The following POR variants were observed in gnomAD, a reference collection of about 807,000 sequenced individuals.
POR encodes cytochrome p450 oxidoreductase, also known as NADPH--cytochrome P450 reductase.
A neutral mutation model predicts 84.0 loss-of-function variants in POR; 56 were observed. That is an observed-to-expected ratio of 0.67 (90% CI 0.54 to 0.83). The LOEUF is 0.83. POR is among the 40% of genes least tolerant of loss of function. POR has a pLI of 0.00. For synonymous variants in POR, 414 were observed against 400.5 expected (o/e 1.03, Z -0.40); for missense variants, 938 against 944.3 (o/e 0.99, Z 0.09).
chr7:75,928,415 C>T (rs916669152), intron 1 of POR, among the ~76,000 whole-genome samples: 2 of 152,234 alleles, frequency 1.3e-5, no homozygotes, highest in Non-Finnish European at 2.9e-5. Context: ...TTTCTGGGCT[C>T]CCACACATTT....
Position 75,986,318 on chromosome 7 carries a change from A to T in POR, c.1899-19A>T. The T allele has an allele frequency of 6.2e-7, 1 of 1,612,098 alleles. No homozygotes were observed. The highest frequency in any genetic ancestry group is 8.5e-7 in the Non-Finnish European group (1 of 1,179,682). ...TGCCACAGTTGGCCCAGCCCCCAGC[A>T]CCCCCTCTTCCTGCCCAGGGATGCA... On this transcript the variant is annotated intron_variant, in intron 15 of 15. Coordinates refer to ENST00000461988, the MANE Select transcript of POR (RefSeq NM_000941.3).
At chr7:75,984,139 G>A (rs544888205) in intron 10 of POR, among the ~76,000 whole-genome samples, 1 of 152,292 alleles carries the variant, frequency 6.6e-6, no homozygotes, top group African/African-American at 2.4e-5. Context: ...GCTCCCCCAT[G>A]GCCACTGTGT....
intron 7 of POR, 27 bp downstream of exon 7, chr7:75,981,633 G>C (rs539229886): frequency 6.2e-7 from 1 of 1,600,484 alleles, no homozygotes; most frequent in South Asian, 1.1e-5. Flanking sequence ...AGGTGCGGTG[G>C]GTGGCCTGGG....
At chr7:75,939,221 G>A (rs1807843564) in intron 1 of POR, among the ~76,000 whole-genome samples, 2 of 152,212 alleles carry the variant, frequency 1.3e-5, no homozygotes, top group Non-Finnish European at 2.9e-5. Context: ...CATGTCCTTC[G>A]ACATGACGTT....
intron 1 of POR, among the ~76,000 whole-genome samples, chr7:75,938,784 C>T (rs1191258935): frequency 2.0e-5 from 3 of 152,116 alleles, no homozygotes; most frequent in Non-Finnish European, 4.4e-5. Context: ...CTCTTATTCG[C>T]CATCTATGCA....
In POR at chr7:75,982,244, T is replaced by C. The variant is rs1207979049; in HGVS notation, c.752T>C (p.Val251Ala). The change falls in exon 8 of 16, where the codon GTG becomes GCG. Residue 251 changes from valine (V) to alanine (A), a missense_variant. Physicochemically the swap from Val to Ala is moderately conservative, Grantham distance 64. Coordinates refer to ENST00000461988, the MANE Select transcript of POR (RefSeq NM_000941.3). The stretch of plus-strand genomic sequence containing the variant: ...TCCAGCATTCGCCAGTACGAGCTTG[T>C]GGTCCACACCGACATAGATGCGGCC... 3.1e-6 allele frequency: 5 copies of C among 1,612,040 alleles called. No individual in the cohort carries two copies. The highest frequency in any genetic ancestry group is 4.2e-6 in the Non-Finnish European group (5 of 1,179,276).
chr7:75,974,519 C>CTT, intron 3 of POR, among the ~76,000 whole-genome samples: 1 of 119,286 alleles, frequency 8.4e-6, no homozygotes, highest in African/African-American at 3.3e-5. Context: ...TTTCTTTTTT[C>CTT]TTTTCTTTTT....
intron 2 of POR, among the ~76,000 whole-genome samples, chr7:75,962,624 A>G (rs1411677856): frequency 6.6e-6 from 1 of 152,124 alleles, no homozygotes; most frequent in Non-Finnish European, 1.5e-5. Context: ...TTTCCTCTTT[A>G]AGTGCACCAG....
In POR at chr7:75,985,075, G is replaced by T. The variant is rs1554558879; in HGVS notation, c.1266G>T (p.Trp422Cys). Residue 422 changes from tryptophan to cysteine, a missense_variant, in exon 12 of 16, where the codon TGG (tryptophan) becomes TGT (cysteine). Transcript: ENST00000461988. ...TCTCTTAGGAGCTGTACCTGAGCTG[G>T]GTGGTGGAGGCCCGGAGGCACATCC... The T allele has an allele frequency of 1.3e-6, 2 of 1,599,036 alleles. No homozygotes were observed. The highest frequency in any genetic ancestry group is 1.7e-5 in the Admixed American group (1 of 59,948).
chr7:75,980,695 A>AG (rs1409246765), intron 5 of POR: 1 of 1,528,992 alleles, frequency 6.5e-7, no homozygotes, highest in African/African-American at 1.4e-5. Flanking sequence ...AGTCGGCTCC[A>AG]GGGGGCATTG....
At chr7:75,985,507 G>A in intron 12 of POR, 72 bp from the exon 13 acceptor site, 1 of 1,444,376 alleles carries the variant, frequency 6.9e-7, no homozygotes, top group Non-Finnish European at 9.2e-7. Context: ...CTGGCCTGCA[G>A]AACGGGACTT....
intron 2 of POR, among the ~76,000 whole-genome samples, chr7:75,969,893 A>G (rs1788353202): frequency 6.6e-6 from 1 of 152,200 alleles, no homozygotes; most frequent in South Asian, 2.1e-4. Flanking sequence ...AGCCACAGGA[A>G]TGTGCAGAGT....
rs367807239 is a variant in POR at position 75,986,421 on chromosome 7, G to A, written c.1983G>A (p.Ala661=). 173 of 1,612,364 alleles carry A rather than the reference G, an allele frequency of 1.1e-4. No individual in the cohort carries two copies. The highest frequency in any genetic ancestry group is 1.5e-4 in the Admixed American group (9 of 59,988). ...TCGGGGCCATGGAGCACGCGCAGGCGGTGGACTACATCAAGAAACTGATGA... is the reference window on the plus strand; with the variant it reads ...TCGGGGCCATGGAGCACGCGCAGGCAGTGGACTACATCAAGAAACTGATGA... The change falls in exon 16 of 16, where the codon GCG becomes GCA. Residue 661 remains alanine (A), a synonymous_variant. Coordinates refer to ENST00000461988, the MANE Select transcript of POR (RefSeq NM_000941.3).
chr7:75,961,811 C>T (rs1787956547), intron 2 of POR, among the ~76,000 whole-genome samples: 2 of 152,126 alleles, frequency 1.3e-5, no homozygotes, highest in African/African-American at 4.8e-5. Context: ...GCCAAGTGTT[C>T]GAGATCAGCC....
At chr7:75,969,019 G>A (rs1207552276) in intron 2 of POR, among the ~76,000 whole-genome samples, 3 of 152,212 alleles carry the variant, frequency 2.0e-5, no homozygotes, top group Non-Finnish European at 2.9e-5. Flanking sequence ...AGCCCAGCTC[G>A]TCCAAGAGGC....
At position 75,981,143 on chromosome 7, in the gene POR, T is replaced by G; in HGVS notation, c.612T>G (p.Phe204Leu). Residue 204 changes from phenylalanine to leucine, a missense_variant, in exon 6 of 16, where the codon TTT becomes TTG. Physicochemically the swap from Phe to Leu is conservative, Grantham distance 22. Transcript: ENST00000461988. ...AGCAGCTCGGCGCCCAGCGCATCTTTGAGCTGGGGTTGGGCGACGACGATG... is the reference window on the plus strand; with the variant it reads ...AGCAGCTCGGCGCCCAGCGCATCTTGGAGCTGGGGTTGGGCGACGACGATG... 6.4e-7 allele frequency: 1 copy of G among 1,553,792 alleles called. No homozygotes were observed. The highest frequency in any genetic ancestry group is 8.7e-7 in the Non-Finnish European group (1 of 1,149,280).
chr7:75,952,566 G>A (rs1787488753), intron 1 of POR, among the ~76,000 whole-genome samples: 1 of 151,808 alleles, frequency 6.6e-6, no homozygotes, highest in African/African-American at 2.4e-5. Flanking sequence ...CTTCTCAGAC[G>A]GGGCGGTTGC....
At chr7:75,920,211 G>A (rs910116701) in intron 1 of POR, among the ~76,000 whole-genome samples, 4 of 151,680 alleles carry the variant, frequency 2.6e-5, no homozygotes, top group Non-Finnish European at 4.4e-5. Flanking sequence ...GATTACAGGC[G>A]CGTGCCATCA....
chr7:75,937,425 TTGTGC>T (rs1554550991), intron 1 of POR, among the ~76,000 whole-genome samples: 1 of 141,292 alleles, frequency 7.1e-6, no homozygotes, highest in Admixed American at 7.2e-5. Flanking sequence ...TGAGCCTAGA[TTGTGC>T]CACTGTACTC....
Sources: allele counts gnomAD v4.1 joint callset (sites outside exome capture counted in the v4.1 genomes callset), GRCh38; gene constraint gnomAD v4.1.1; transcripts MANE v1.5; gene names NCBI Gene and HGNC (gene_info 2026-07-23, HGNC 2026-07-21).